Variants in CDKAL1 observed in about 807,000 individuals in gnomAD.
CDKAL1 encodes the protein CDKAL1 threonylcarbamoyladenosine tRNA methylthiotransferase.
Under a neutral mutation model 68.2 loss-of-function variants are expected in CDKAL1, and 32 were observed. The ratio of observed to expected loss-of-function variants is 0.47; its 90% CI spans 0.35 to 0.63. The LOEUF is 0.63. Ranked by LOEUF, CDKAL1 falls within the 30% of genes least tolerant of loss-of-function variation. The probability of loss-of-function intolerance (pLI) is 0.00; values close to 1 mark genes in which losing one functional copy is unlikely to be tolerated. For synonymous variants in CDKAL1, 234 were observed against 244.3 expected (o/e 0.96, Z 0.39); for missense variants, 606 against 696.7 (o/e 0.87, Z 1.47).
intron 12 of CDKAL1, among the ~76,000 whole-genome samples, chr6:21,084,599 C>T (rs1275859804): frequency 6.6e-6 from 1 of 152,162 alleles, no homozygotes; most frequent in East Asian, 1.9e-4. Flanking sequence ...AAATATTTTC[C>T]ATGTACCTTA....
chr6:20,696,023 CCTTT>C (rs1450586887), intron 5 of CDKAL1, among the ~76,000 whole-genome samples: 3 of 152,168 alleles, frequency 2.0e-5, no homozygotes, highest in Non-Finnish European at 4.4e-5. Flanking sequence ...ATATCAGTCG[CCTTT>C]CTATTTCACT....
At chr6:21,160,268 T>C (rs1160954860) in intron 13 of CDKAL1, among the ~76,000 whole-genome samples, 1 of 152,122 alleles carries the variant, frequency 6.6e-6, no homozygotes, top group African/African-American at 2.4e-5. Context: ...TCTGTTGTTT[T>C]CGAATGGGAA....
intron 9 of CDKAL1, among the ~76,000 whole-genome samples, chr6:20,852,824 G>T (rs1157011058): frequency 6.6e-6 from 1 of 152,170 alleles, no homozygotes; most frequent in Non-Finnish European, 1.5e-5. Context: ...AGTAGAAGTG[G>T]GGCCCTGTTT....
rs1340851657 is a variant in CDKAL1, at chr6:20,884,026, A to C, written c.742+37848A>C. 2.0e-5 allele frequency among the ~76,000 whole-genome samples: 3 copies of C among 152,226 alleles called. No homozygotes were observed. The East Asian group carries it at 5.8e-4, about 29-fold the overall frequency. On this transcript the variant is annotated intron_variant, in intron 9 of 15. Transcript: ENST00000274695. ...AGCTAGATAAAGATATCAGAAGAAA[A>C]GAAAATTATAGACTGATAGCCCTTA...
At chr6:20,712,962 A>G (rs755091081) in intron 5 of CDKAL1, among the ~76,000 whole-genome samples, 1 of 149,256 alleles carries the variant, frequency 6.7e-6, no homozygotes, top group Non-Finnish European at 1.5e-5. Context: ...AAAATGCTGT[A>G]TATTACAGTA....
At chr6:21,147,386 G>A (rs1195160357) in intron 13 of CDKAL1, among the ~76,000 whole-genome samples, 1 of 152,082 alleles carries the variant, frequency 6.6e-6, no homozygotes, top group Admixed American at 6.6e-5. Context: ...TATGAGATTG[G>A]CAAATAGAAT....
chr6:21,000,118 C>T, intron 10 of CDKAL1, 109 bp from the exon 11 acceptor site: 1 of 732,322 alleles, frequency 1.4e-6, no homozygotes, highest in Non-Finnish European at 2.2e-6. Context: ...GATGATTGGT[C>T]TGTTTTCAGC....
At chr6:21,039,694 A>G (rs575657640) in intron 11 of CDKAL1, among the ~76,000 whole-genome samples, 6 of 152,378 alleles carry the variant, frequency 3.9e-5, no homozygotes, top group Non-Finnish European at 8.8e-5. Flanking sequence ...AAGCATTTCT[A>G]TAAAATATGG....
At chr6:20,617,622 G>C (rs1766979644) in intron 4 of CDKAL1, among the ~76,000 whole-genome samples, 1 of 152,082 alleles carries the variant, frequency 6.6e-6, no homozygotes, top group African/African-American at 2.4e-5. Flanking sequence ...CTATGTCTGA[G>C]TGTTCTTATT....
chr6:20,577,138 C>T (rs548534120), intron 4 of CDKAL1, among the ~76,000 whole-genome samples: 14 of 152,196 alleles, frequency 9.2e-5, no homozygotes, highest in South Asian at 2.1e-4. Context: ...CGCAAGCGAT[C>T]GGTTGTGAGA....
intron 4 of CDKAL1, among the ~76,000 whole-genome samples, chr6:20,573,168 T>G (rs1764772258): frequency 6.6e-6 from 1 of 152,178 alleles, no homozygotes; most frequent in South Asian, 2.1e-4. Flanking sequence ...TTTGAAAAAG[T>G]ATCTGAGATC....
chr6:20,947,478 C>A lies in CDKAL1; in HGVS notation c.743-7941C>A, dbSNP rs149509333. On this transcript the variant is annotated intron_variant, in intron 9 of 15. Coordinates refer to ENST00000274695, the MANE Select transcript of CDKAL1 (RefSeq NM_017774.3). ...TGGTGCCATGTACCTGTAGTTCCAG[C>A]TACCTGGGAGGCTGAGGTGGCAGGA... Among the ~76,000 whole-genome samples, 747 of 152,184 alleles carry A rather than the reference C, an allele frequency of 4.9e-3. 5 individuals are homozygous for A. The highest frequency in any genetic ancestry group is 6.8e-3 in the South Asian group (33 of 4,828).
chr6:20,722,451 A>G, intron 5 of CDKAL1: 1 of 298,584 alleles, frequency 3.3e-6, no homozygotes, highest in South Asian at 3.8e-5. Context: ...GCCTCATCAC[A>G]GTCTTCTTTT....
chr6:20,828,786 C>T (rs1292819060), intron 8 of CDKAL1, among the ~76,000 whole-genome samples: 11 of 152,130 alleles, frequency 7.2e-5, no homozygotes, highest in Non-Finnish European at 1.3e-4. Flanking sequence ...ACAAACATCA[C>T]CACTATCCAC....
At chr6:20,650,743 A>G (rs574489474) in intron 5 of CDKAL1, among the ~76,000 whole-genome samples, 2 of 152,252 alleles carry the variant, frequency 1.3e-5, no homozygotes, top group East Asian at 1.9e-4. Flanking sequence ...AGGTATAAGG[A>G]AGGGGTCCAG....
At chr6:20,701,675 C>T (rs78814230) in intron 5 of CDKAL1, among the ~76,000 whole-genome samples, 2,277 of 152,184 alleles carry the variant, frequency 0.015, 48 homozygotes, top group African/African-American at 0.052. Flanking sequence ...CCTCAATTTT[C>T]CCCTTCACCA....
intron 15 of CDKAL1, among the ~76,000 whole-genome samples, chr6:21,210,995 T>C (rs1013091183): frequency 2.0e-5 from 3 of 152,174 alleles, no homozygotes; most frequent in African/African-American, 7.2e-5. Context: ...CTCACATATA[T>C]CACATCTGAC....
chr6:20,825,970 T>C (rs1279940324), intron 8 of CDKAL1, among the ~76,000 whole-genome samples: 2 of 152,170 alleles, frequency 1.3e-5, no homozygotes, highest in East Asian at 3.8e-4. Context: ...TTTGGGAGAT[T>C]AGCTACTTTT....
Position 21,075,513 on chromosome 6 carries a change from TAATGAAA to T in CDKAL1, c.1236+10287_1236+10293del, listed in dbSNP as rs1772025472. Reference sequence around the variant, plus strand: ...AAAGAGTATAATCCTCTTAACTTTATAATGAAAATAAATTAGACAATATATTTTCATG... The same window carrying T: ...AAAGAGTATAATCCTCTTAACTTTATATAAATTAGACAATATATTTTCATG... On this transcript the variant is annotated intron_variant, in intron 12 of 15. Transcript: ENST00000274695. Among the ~76,000 whole-genome samples, 3 of 152,140 alleles carry T rather than the reference TAATGAAA, an allele frequency of 2.0e-5. No individual in the cohort carries two copies. The South Asian group carries it at 6.2e-4, about 31-fold the overall frequency.
Sources: gnomAD v4.1 joint callset for allele counts (sites outside exome capture counted in the v4.1 genomes callset) on GRCh38, gnomAD v4.1.1 for gene constraint, MANE v1.5 for transcripts, NCBI Gene and HGNC (gene_info 2026-07-23, HGNC 2026-07-21) for gene names.